The following CLDN16 variants were observed in gnomAD, a reference collection of about 807,000 sequenced individuals.
The protein encoded by CLDN16 is claudin 16, also known as claudin-16.
In CLDN16, 13 loss-of-function variants were observed where a neutral mutation model predicts 24.6. The ratio of observed to expected loss-of-function variants is 0.53; its 90% CI spans 0.34 to 0.84. The LOEUF is 0.84. Among genes scored for constraint, CLDN16 ranks in the 40% least tolerant of loss-of-function variants. CLDN16 has a pLI of 0.01. For missense variants in CLDN16, 298 were observed against 292.7 expected (o/e 1.02, Z -0.13); for synonymous variants, 116 against 106.7 (o/e 1.09, Z -0.54).
chr3:190,302,632 G>T, the CLDN16 span, among the ~76,000 whole-genome samples: 1 of 151,940 alleles, frequency 6.6e-6, no homozygotes, highest in Non-Finnish European at 1.5e-5. Context: ...TTAGCTGGGC[G>T]TGGTGGCATG....
chr3:190,315,815 C>T, the CLDN16 span, among the ~76,000 whole-genome samples: 1 of 152,086 alleles, frequency 6.6e-6, no homozygotes, highest in Non-Finnish European at 1.5e-5. Context: ...GCACTTAGAT[C>T]GCAGAGTAGT....
At chr3:190,405,440 A>G (rs1719073032) in intron 3 of CLDN16, among the ~76,000 whole-genome samples, 1 of 151,194 alleles carries the variant, frequency 6.6e-6, no homozygotes, top group South Asian at 2.1e-4. Context: ...AAAAAAAAAA[A>G]AAAAAAAGGA....
At chr3:190,304,472 G>A in the CLDN16 span, among the ~76,000 whole-genome samples, 10 of 152,126 alleles carry the variant, frequency 6.6e-5, no homozygotes, top group Non-Finnish European at 1.0e-4. Context: ...TGCTGATAAT[G>A]ACCATATTGG....
chr3:190,302,760 A>T, the CLDN16 span, among the ~76,000 whole-genome samples: 1 of 97,492 alleles, frequency 1.0e-5, no homozygotes, highest in African/African-American at 3.8e-5. Flanking sequence ...AACAGGAGTG[A>T]AACCCTGTCT....
intron 1 of CLDN16, among the ~76,000 whole-genome samples, chr3:190,344,805 A>G (rs1281211739): frequency 6.6e-6 from 1 of 152,154 alleles, no homozygotes; most frequent in Non-Finnish European, 1.5e-5. Context: ...CAAGCTGTAA[A>G]AGGGGGTCTT....
intron 1 of CLDN16, among the ~76,000 whole-genome samples, chr3:190,335,787 A>C (rs575975055): frequency 2.0e-5 from 3 of 151,724 alleles, no homozygotes; most frequent in East Asian, 3.9e-4. Flanking sequence ...TATCTGTCTC[A>C]GACACTGATT....
intron 1 of CLDN16, among the ~76,000 whole-genome samples, chr3:190,390,956 T>A (rs1264227554): frequency 6.6e-6 from 1 of 151,854 alleles, no homozygotes; most frequent in Non-Finnish European, 1.5e-5. Context: ...TGGCTAATTT[T>A]AAAAATTTTT....
chr3:190,296,797 G>T, the CLDN16 span, among the ~76,000 whole-genome samples: 1 of 151,994 alleles, frequency 6.6e-6, no homozygotes, highest in Middle Eastern at 3.2e-3. Context: ...TGATCCGCCC[G>T]TCTTGGCCTC....
chr3:190,337,683 G>GACAAAAGC (rs1453022059), intron 1 of CLDN16, among the ~76,000 whole-genome samples: 1 of 152,182 alleles, frequency 6.6e-6, no homozygotes, highest in Non-Finnish European at 1.5e-5. Context: ...CTCTCATCCT[G>GACAAAAGC]ACAAAAGCAA....
intron 1 of CLDN16, among the ~76,000 whole-genome samples, chr3:190,357,839 A>G (rs928181068): frequency 5.3e-5 from 8 of 151,978 alleles, no homozygotes; most frequent in Non-Finnish European, 1.0e-4. Flanking sequence ...TTTCTTCTCC[A>G]TAATCCCCAA....
chr3:190,304,829 G>A, the CLDN16 span, among the ~76,000 whole-genome samples: 2 of 152,152 alleles, frequency 1.3e-5, no homozygotes, highest in Non-Finnish European at 2.9e-5. Context: ...ACAAAGTGAA[G>A]TTTTCTCTTG....
At chr3:190,309,213 T>C in the CLDN16 span, among the ~76,000 whole-genome samples, 3 of 152,344 alleles carry the variant, frequency 2.0e-5, no homozygotes, top group South Asian at 6.2e-4. Flanking sequence ...CATGCAATAA[T>C]GTAAATAACA....
intron 1 of CLDN16, among the ~76,000 whole-genome samples, chr3:190,330,037 T>TCC (rs201805758): frequency 6.7e-6 from 1 of 149,974 alleles, no homozygotes; most frequent in African/African-American, 2.5e-5. Context: ...ATCTCAACCG[T>TCC]CCCCCCTCCA....
At chr3:190,311,961 C>T in the CLDN16 span, among the ~76,000 whole-genome samples, 7 of 148,196 alleles carry the variant, frequency 4.7e-5, no homozygotes, top group African/African-American at 1.7e-4. Flanking sequence ...TTTCTTTTTT[C>T]TTTTTTTTTT....
the CLDN16 span, among the ~76,000 whole-genome samples, chr3:190,311,569 T>C: frequency 6.6e-6 from 1 of 151,816 alleles, no homozygotes; most frequent in Non-Finnish European, 1.5e-5. Flanking sequence ...TTTTTTTCTA[T>C]TAGTAGATTT....
At chr3:190,342,030 T>A (rs549437886) in intron 1 of CLDN16, among the ~76,000 whole-genome samples, 2 of 152,350 alleles carry the variant, frequency 1.3e-5, no homozygotes, top group South Asian at 4.1e-4. Context: ...ACTATCAGCA[T>A]TTTTGGCAAA....
chr3:190,380,257 T>TTCCTTCCTTCCTTCCTTCCTTC (rs1330460824), intron 3 of CLDN16, among the ~76,000 whole-genome samples: 8 of 14,552 alleles, frequency 5.5e-4, no homozygotes, highest in Admixed American at 7.9e-4. Flanking sequence ...TTCCTTCCTT[T>TTCCTTCCTTCCTTCCTTCCTTC]CTTCCTTCCT....
At chr3:190,324,372 A>G (rs1004086696) in intron 1 of CLDN16, among the ~76,000 whole-genome samples, 3 of 152,008 alleles carry the variant, frequency 2.0e-5, no homozygotes, top group Non-Finnish European at 2.9e-5. Context: ...AATTCCAGCT[A>G]CTTGGGAGGC....
chr3:190,372,567 C>G (rs1321342530), intron 2 of CLDN16, among the ~76,000 whole-genome samples: 1 of 151,808 alleles, frequency 6.6e-6, no homozygotes. Flanking sequence ...TCAATTGAGC[C>G]TAAGAGTTTG....
Sources: allele counts gnomAD v4.1 joint callset (sites outside exome capture counted in the v4.1 genomes callset), GRCh38; gene constraint gnomAD v4.1.1; transcripts MANE v1.5; gene names NCBI Gene and HGNC (gene_info 2026-07-23, HGNC 2026-07-21).